Variants in RGS7 observed in about 807,000 individuals in gnomAD.
RGS7 encodes the protein regulator of G-protein signaling 7.
RGS7 carries 27 observed loss-of-function variants against 81.1 expected under a neutral mutation model. The observed-to-expected ratio is 0.33, with a 90% CI of 0.25 to 0.46. RGS7 has a LOEUF of 0.46. Ranked by LOEUF, RGS7 falls within the 20% of genes least tolerant of loss-of-function variation. The pLI is 1.00. For missense variants in RGS7, 396 were observed against 607.4 expected (o/e 0.65, Z 3.66); for synonymous variants, 208 against 207.7 (o/e 1.00, Z -0.01).
At chr1:240,939,813 G>A (rs959665608) in intron 4 of RGS7, among the ~76,000 whole-genome samples, 2 of 152,132 alleles carry the variant, frequency 1.3e-5, no homozygotes, top group Non-Finnish European at 2.9e-5. Context: ...GCTCATGCCT[G>A]TAATCCCAGC....
chr1:241,057,144 A>C (rs1270963024), intron 3 of RGS7, among the ~76,000 whole-genome samples: 1 of 152,074 alleles, frequency 6.6e-6, no homozygotes, highest in Non-Finnish European at 1.5e-5. Flanking sequence ...CCAAATTGAT[A>C]ATTTTATATT....
At chr1:241,134,935 C>T (rs1332080485) in intron 2 of RGS7, among the ~76,000 whole-genome samples, 1 of 152,054 alleles carries the variant, frequency 6.6e-6, no homozygotes, top group South Asian at 2.1e-4. Flanking sequence ...ACACCTACCC[C>T]GGCCGGAAGA....
chr1:240,810,638 A>G (rs1689686930), intron 14 of RGS7, among the ~76,000 whole-genome samples: 1 of 151,872 alleles, frequency 6.6e-6, no homozygotes, highest in Admixed American at 6.6e-5. Context: ...TTTTGTAGAG[A>G]TGGAGTTTGC....
intron 2 of RGS7, among the ~76,000 whole-genome samples, chr1:241,344,612 TTTC>T (rs1432608878): frequency 8.5e-5 from 13 of 152,260 alleles, no homozygotes; most frequent in Non-Finnish European, 5.9e-5. Context: ...AACAAGTACA[TTTC>T]TTGAATTACG....
chr1:241,323,180 T>C (rs2081304554), intron 2 of RGS7, among the ~76,000 whole-genome samples: 1 of 152,248 alleles, frequency 6.6e-6, no homozygotes, highest in Non-Finnish European at 1.5e-5. Context: ...TGAAGGCATC[T>C]GATTTTGTGA....
At chr1:241,149,439 G>A (rs1010839162) in intron 2 of RGS7, among the ~76,000 whole-genome samples, 14 of 152,166 alleles carry the variant, frequency 9.2e-5, no homozygotes, top group Admixed American at 2.0e-4. Flanking sequence ...TTACAGGCAT[G>A]AGCCACTGCA....
At chr1:241,344,428 A>C (rs1427952272) in intron 2 of RGS7, among the ~76,000 whole-genome samples, 2 of 152,228 alleles carry the variant, frequency 1.3e-5, no homozygotes, top group African/African-American at 4.8e-5. Context: ...TACAATGAAC[A>C]GTTCACATAC....
intron 2 of RGS7, among the ~76,000 whole-genome samples, chr1:241,138,997 T>C (rs1048506851): frequency 1.3e-5 from 2 of 152,160 alleles, no homozygotes; most frequent in African/African-American, 4.8e-5. Flanking sequence ...TTAAAATGTC[T>C]CAAAATTCTG....
chr1:240,995,998 T>C (rs932920839), intron 3 of RGS7, among the ~76,000 whole-genome samples: 1 of 151,212 alleles, frequency 6.6e-6, no homozygotes, highest in Non-Finnish European at 1.5e-5. Flanking sequence ...CAAATTGACA[T>C]GTTACATTTT....
At chr1:240,807,219 TGC>T (rs1689013282) in intron 14 of RGS7, among the ~76,000 whole-genome samples, 1 of 152,218 alleles carries the variant, frequency 6.6e-6, no homozygotes, top group Non-Finnish European at 1.5e-5. Context: ...TTCAATATTT[TGC>T]TCTAGGCTAG....
chr1:241,075,963 G>A (rs1391082760), intron 3 of RGS7, among the ~76,000 whole-genome samples: 1 of 152,094 alleles, frequency 6.6e-6, no homozygotes, highest in Non-Finnish European at 1.5e-5. Context: ...TATCTTCTAG[G>A]TTGGCTCTTG....
chr1:240,840,516 A>G (rs2796363), intron 9 of RGS7, among the ~76,000 whole-genome samples: 4,595 of 151,942 alleles, frequency 0.03, 233 homozygotes, highest in African/African-American at 0.1. Context: ...CTCATCATCC[A>G]CCCACCTTGG....
rs561974786 is a variant in RGS7, at chr1:240,863,645, T to C, written c.609+4942A>G. ...ATTGTATAAACATCCCTGGCAGGGG[T>C]ATTCTACACATGTTAGTTGGATTCC... On this transcript the variant is annotated intron_variant, in intron 9 of 18. Transcript: ENST00000440928. Among the ~76,000 whole-genome samples, 41 of 152,214 alleles carry C rather than the reference T, an allele frequency of 2.7e-4. 1 individual carries two copies. Among genetic ancestry groups the C allele is most frequent in the South Asian group, 1.7e-3 (8 of 4,812 alleles).
At chr1:240,780,050 A>G (rs1458939907) in intron 18 of RGS7, among the ~76,000 whole-genome samples, 4 of 152,168 alleles carry the variant, frequency 2.6e-5, no homozygotes, top group African/African-American at 7.2e-5. Flanking sequence ...CTTAAATACA[A>G]TGCCATTTCC....
At position 241,104,508 on chromosome 1, in the gene RGS7, T is replaced by C. The variant is rs1364095736; in HGVS notation, c.79-5746A>G. 3.3e-5 allele frequency among the ~76,000 whole-genome samples: 5 copies of C among 152,360 alleles called. No homozygotes were observed. In the East Asian group the frequency reaches 7.7e-4, roughly 23 times the overall value. On this transcript the variant is annotated intron_variant, in intron 2 of 18. Coordinates refer to ENST00000440928, the MANE Select transcript of RGS7 (RefSeq NM_001364886.1). ...ATCATATTTAGAAAGGGAAATGAGA[T>C]GGCATTCACTTTTAACAAAATGAAA...
chr1:241,181,657 C>T (rs2103313996), intron 2 of RGS7, among the ~76,000 whole-genome samples: 1 of 152,244 alleles, frequency 6.6e-6, no homozygotes, highest in East Asian at 1.9e-4. Context: ...ACTCAGGAAA[C>T]ATTTCTTCCA....
intron 3 of RGS7, among the ~76,000 whole-genome samples, chr1:241,048,413 CT>C (rs2061063944): frequency 6.6e-6 from 1 of 152,152 alleles, no homozygotes; most frequent in African/African-American, 2.4e-5. Context: ...TCCCCCACCC[CT>C]AACCTTTAGT....
chr1:241,011,758 A>T (rs1558593949), intron 3 of RGS7, among the ~76,000 whole-genome samples: 1 of 152,196 alleles, frequency 6.6e-6, no homozygotes, highest in Non-Finnish European at 1.5e-5. Context: ...ATTTTGCTTT[A>T]AAGGTAATAA....
chr1:241,123,350 G>A (rs2066419500), intron 2 of RGS7, among the ~76,000 whole-genome samples: 1 of 152,192 alleles, frequency 6.6e-6, no homozygotes, highest in African/African-American at 2.4e-5. Flanking sequence ...AGTTATGGCT[G>A]GGTGAAGCAG....
Sources: allele counts gnomAD v4.1 joint callset (sites outside exome capture counted in the v4.1 genomes callset), GRCh38; gene constraint gnomAD v4.1.1; transcripts MANE v1.5; gene names NCBI Gene and HGNC (gene_info 2026-07-23, HGNC 2026-07-21).